FOXN3: variants seen among roughly 807,000 people sequenced by gnomAD.
The protein encoded by FOXN3 is forkhead box protein N3.
A neutral mutation model predicts 38.4 loss-of-function variants in FOXN3; 7 were observed. The observed-to-expected ratio is 0.18, with a 90% confidence interval of 0.10 to 0.34. The LOEUF is 0.34. Among genes scored for constraint, FOXN3 ranks in the 10% least tolerant of loss-of-function variants. The probability of loss-of-function intolerance (pLI) is 1.00; values close to 1 mark genes in which losing one functional copy is unlikely to be tolerated. For missense variants in FOXN3, 456 were observed against 613.4 expected, an observed-to-expected ratio of 0.74 and a Z score of 2.71; for synonymous variants, 230 against 242.2, an observed-to-expected ratio of 0.95 and a Z score of 0.47.
intron 4 of FOXN3, among the ~76,000 whole-genome samples, chr14:89,236,458 T>C (rs1187049486): frequency 6.6e-6 from 1 of 152,072 alleles, no homozygotes; most frequent in Non-Finnish European, 1.5e-5. Flanking sequence ...GAGCTTGCAG[T>C]GAGCCGAGAT....
At chr14:89,510,412 T>C (rs1354256870) in intron 1 of FOXN3, among the ~76,000 whole-genome samples, 1 of 152,192 alleles carries the variant, frequency 6.6e-6, no homozygotes, top group Non-Finnish European at 1.5e-5. Flanking sequence ...GAGCCAGCCC[T>C]GCATATGCAC....
At chr14:89,609,778 G>GT (rs904444421) in intron 1 of FOXN3, among the ~76,000 whole-genome samples, 11 of 152,066 alleles carry the variant, frequency 7.2e-5, no homozygotes, top group Non-Finnish European at 1.3e-4. Context: ...GTCACTCGTA[G>GT]TTTTTTTTGG....
At chr14:89,481,110 C>T (rs115924194) in intron 1 of FOXN3, among the ~76,000 whole-genome samples, 1,917 of 137,260 alleles carry the variant, frequency 0.014, 45 homozygotes, top group African/African-American at 0.05. Flanking sequence ...TTTTAATAAA[C>T]AAATGTGTAA....
At chr14:89,555,879 GTGGGGGTGTA>G (rs1895110215) in intron 1 of FOXN3, among the ~76,000 whole-genome samples, 1 of 126,740 alleles carries the variant, frequency 7.9e-6, no homozygotes, top group African/African-American at 2.6e-5. Context: ...GTGTGTGTAT[GTGGGGGTGTA>G]TGTGGGGGTG....
At chr14:89,306,705 C>T (rs534459913) in intron 3 of FOXN3, among the ~76,000 whole-genome samples, 1 of 152,240 alleles carries the variant, frequency 6.6e-6, no homozygotes, top group African/African-American at 2.4e-5. Context: ...GGAGTTTTCT[C>T]CCCAAAAGAC....
intron 2 of FOXN3, among the ~76,000 whole-genome samples, chr14:89,386,904 C>A (rs1890804343): frequency 6.6e-6 from 1 of 152,128 alleles, no homozygotes; most frequent in Non-Finnish European, 1.5e-5. Flanking sequence ...AGATTAGGAC[C>A]CCATCCGTAT....
intron 3 of FOXN3, among the ~76,000 whole-genome samples, chr14:89,345,581 G>C (rs889974166): frequency 4.6e-5 from 7 of 152,088 alleles, no homozygotes; most frequent in African/African-American, 1.7e-4. Context: ...TAGTGCACTT[G>C]TCACCCCATA....
intron 1 of FOXN3, among the ~76,000 whole-genome samples, chr14:89,487,445 G>T (rs1475277508): frequency 6.6e-6 from 1 of 152,196 alleles, no homozygotes; most frequent in African/African-American, 2.4e-5. Context: ...TGTTGGAAAT[G>T]CAAATTCTTG....
At chr14:89,472,415 A>C (rs1893115882) in intron 1 of FOXN3, among the ~76,000 whole-genome samples, 1 of 151,656 alleles carries the variant, frequency 6.6e-6, no homozygotes, top group Admixed American at 6.6e-5. Flanking sequence ...TCAAGTGTTT[A>C]ATTGCATTAA....
At chr14:89,188,551 C>T (rs992262667) in intron 4 of FOXN3, among the ~76,000 whole-genome samples, 17 of 152,162 alleles carry the variant, frequency 1.1e-4, no homozygotes, top group African/African-American at 4.1e-4. Context: ...GGTACTGCTC[C>T]GGTCCATTAC....
intron 4 of FOXN3, among the ~76,000 whole-genome samples, chr14:89,252,016 G>A (rs118155360): frequency 0.042 from 6,400 of 152,318 alleles, 160 homozygotes; most frequent in Non-Finnish European, 0.065. Flanking sequence ...TTCTTTGGAA[G>A]AACTGTGTCT....
At chr14:89,371,841 C>CA (rs1292137635) in intron 2 of FOXN3, among the ~76,000 whole-genome samples, 1 of 152,146 alleles carries the variant, frequency 6.6e-6, no homozygotes, top group African/African-American at 2.4e-5. Context: ...TGACCCCCAC[C>CA]AGACACCCAT....
At position 89,362,608 on chromosome 14, in the gene FOXN3, TCTACGA is replaced by T. The variant is rs138119013; in HGVS notation, c.544-11806_544-11801del. On this transcript the variant is annotated intron_variant, in intron 2 of 5. Transcript: ENST00000557258. ...TACGACCACCACCACCACCACCATC[TCTACGA>T]CCACCACCACCTCCACCACCATCTC... is the stretch of plus-strand genomic sequence containing the variant. 8.1e-3 allele frequency among the ~76,000 whole-genome samples: 21 copies of T among 2,604 alleles called. 10 individuals are homozygous for T. The highest frequency in any genetic ancestry group is 9.5e-3 in the Non-Finnish European group (12 of 1,260). 1.7% of individuals were successfully genotyped at this position (2,604 alleles called of 152,430 possible).
chr14:89,409,282 A>C (rs987983575), intron 2 of FOXN3: 4 of 149,268 alleles, frequency 2.7e-5, no homozygotes, highest in Non-Finnish European at 5.9e-5. Flanking sequence ...AACAGGTGAT[A>C]CCTGAATGTA....
At chr14:89,272,036 G>A (rs1436563659) in intron 4 of FOXN3, among the ~76,000 whole-genome samples, 1 of 152,210 alleles carries the variant, frequency 6.6e-6, no homozygotes, top group Non-Finnish European at 1.5e-5. Context: ...CAGGCCAGGT[G>A]CAGTGGCTCA....
intron 1 of FOXN3, among the ~76,000 whole-genome samples, chr14:89,578,665 C>T (rs1283306185): frequency 6.6e-6 from 1 of 152,180 alleles, no homozygotes; most frequent in Non-Finnish European, 1.5e-5. Flanking sequence ...TTCTCTCACC[C>T]TCCCCTTCTA....
intron 4 of FOXN3, among the ~76,000 whole-genome samples, chr14:89,234,254 T>C (rs1456629515): frequency 1.3e-5 from 2 of 152,236 alleles, no homozygotes; most frequent in Admixed American, 6.5e-5. Flanking sequence ...AACAGAACTT[T>C]AATGACCATA....
chr14:89,465,831 G>A (rs1292278123), intron 1 of FOXN3, among the ~76,000 whole-genome samples: 1 of 152,208 alleles, frequency 6.6e-6, no homozygotes, highest in East Asian at 1.9e-4. Flanking sequence ...GAGCTTTCTA[G>A]ATGCAGTAAG....
At chr14:89,240,253 T>C (rs776206156) in intron 4 of FOXN3, among the ~76,000 whole-genome samples, 51 of 149,158 alleles carry the variant, frequency 3.4e-4, no homozygotes, top group Non-Finnish European at 6.1e-4. Context: ...GAAAATATGA[T>C]GTAACAAGAA....
Sources: allele counts gnomAD v4.1 joint callset (sites outside exome capture counted in the v4.1 genomes callset), GRCh38; gene constraint gnomAD v4.1.1; transcripts MANE v1.5; gene names NCBI Gene and HGNC (gene_info 2026-07-23, HGNC 2026-07-21).